The following CDH11 variants were observed in gnomAD, a reference collection of about 807,000 sequenced individuals.
CDH11 encodes the protein cadherin-11.
Under a neutral mutation model 67.8 loss-of-function variants are expected in CDH11, and 11 were observed. The observed-to-expected ratio is 0.16, with a 90% CI of 0.10 to 0.27. The LOEUF (loss-of-function observed/expected upper bound fraction) is 0.27. CDH11 is among the 10% of genes least tolerant of loss of function. The pLI, the probability that CDH11 is intolerant of heterozygous loss-of-function variation, is 1.00. For missense variants in CDH11, 847 were observed against 1,031.2 expected (o/e 0.82, Z 2.45); for synonymous variants, 419 against 400.0 (o/e 1.05, Z -0.57).
chr16:65,094,400 C>T (rs960631489), intron 1 of CDH11, among the ~76,000 whole-genome samples: 1 of 151,922 alleles, frequency 6.6e-6, no homozygotes, highest in Non-Finnish European at 1.5e-5. Flanking sequence ...ATACCTTAAA[C>T]AATAACCCAA....
chr16:65,095,099 G>A (rs1210837134), intron 1 of CDH11, among the ~76,000 whole-genome samples: 1 of 152,104 alleles, frequency 6.6e-6, no homozygotes, highest in Non-Finnish European at 1.5e-5. Context: ...TAGGTCATAG[G>A]CATATTCACA....
At chr16:64,962,809 A>G (rs1297093938) in intron 11 of CDH11, among the ~76,000 whole-genome samples, 1 of 152,190 alleles carries the variant, frequency 6.6e-6, no homozygotes, top group Non-Finnish European at 1.5e-5. Flanking sequence ...TGACCTGGGG[A>G]AAAGAAACTT....
intron 12 of CDH11, among the ~76,000 whole-genome samples, chr16:64,950,029 T>C (rs2071315217): frequency 6.6e-6 from 1 of 152,120 alleles, no homozygotes; most frequent in African/African-American, 2.4e-5. Context: ...GTGTCAGACA[T>C]GCATAGGTTT....
At chr16:64,965,358 G>C (rs1034095593) in intron 11 of CDH11, among the ~76,000 whole-genome samples, 3 of 152,014 alleles carry the variant, frequency 2.0e-5, no homozygotes, top group African/African-American at 7.3e-5. Context: ...CTCCAGCCTG[G>C]GCAACAGAGC....
At chr16:65,052,674 T>C (rs1054582688) in intron 2 of CDH11, among the ~76,000 whole-genome samples, 18 of 152,138 alleles carry the variant, frequency 1.2e-4, no homozygotes, top group Non-Finnish European at 2.1e-4. Flanking sequence ...AAGTACAATA[T>C]GTACGGATTT....
At position 64,945,585 on chromosome 16, in the gene CDH11, A is replaced by G. The variant is rs1185650458; in HGVS notation, c.*2018T>C. On this transcript the variant is annotated 3_prime_UTR_variant, in exon 13 of 13. Coordinates refer to ENST00000268603, the MANE Select transcript of CDH11 (RefSeq NM_001797.4). ...ATATTCTTTGGATTACAAAAACTATATAAAAAAATGAACACAACCTGCAAT... is the reference window on the plus strand; with the variant it reads ...ATATTCTTTGGATTACAAAAACTATGTAAAAAAATGAACACAACCTGCAAT... 1 of 1,030,730 alleles carries G rather than the reference A, an allele frequency of 9.7e-7. No homozygotes were observed. Among genetic ancestry groups the G allele is most frequent in the Non-Finnish European group, 1.2e-6 (1 of 857,024 alleles). The allele number at this position is 1,030,730 out of a possible 1,614,324, so 63.8% of individuals were successfully genotyped here. A position where few individuals can be genotyped will look rare whatever the true frequency, so the allele number is the denominator to read the frequency against.
intron 2 of CDH11, among the ~76,000 whole-genome samples, chr16:65,018,467 A>G (rs2073357965): frequency 6.6e-6 from 1 of 152,216 alleles, no homozygotes; most frequent in African/African-American, 2.4e-5. Flanking sequence ...CTATATTGCC[A>G]TAAGGTAAGA....
In CDH11 at chr16:64,946,344, T is replaced by A; in HGVS notation, c.*1259A>T. 1 of 1,036,354 alleles carries A rather than the reference T, an allele frequency of 9.6e-7. No individual in the cohort carries two copies. The highest frequency in any genetic ancestry group is 1.2e-6 in the Non-Finnish European group (1 of 861,500). 64.2% of individuals were successfully genotyped at this position (1,036,354 alleles called of 1,614,324 possible). A position where few individuals can be genotyped will look rare whatever the true frequency, so the allele number is the denominator to read the frequency against. On this transcript the variant is annotated 3_prime_UTR_variant, in exon 13 of 13. Transcript: ENST00000268603. ...TATATTTTTGACTCTAGTCCCCCAG[T>A]TCCCCAGTGCTCAGTGTGGGGCATA... is the stretch of plus-strand genomic sequence containing the variant.
intron 1 of CDH11, among the ~76,000 whole-genome samples, chr16:65,104,535 G>A (rs2075038871): frequency 6.6e-6 from 1 of 152,052 alleles, no homozygotes; most frequent in South Asian, 2.1e-4. Flanking sequence ...GTAGAGAGAA[G>A]GAAATTAAAG....
chr16:64,955,163 A>T lies in CDH11; in HGVS notation c.1643-4145T>A, dbSNP rs866810398. 2.0e-5 allele frequency among the ~76,000 whole-genome samples: 3 copies of T among 151,870 alleles called. No homozygotes were observed. The East Asian group carries it at 5.8e-4, about 29-fold the overall frequency. Reference sequence around the variant, plus strand: ...CGGGAGGCTGAGGCAGGAGAATGGCATGAACCCGGGAGGCAGAGCTTGCAG... The same window carrying T: ...CGGGAGGCTGAGGCAGGAGAATGGCTTGAACCCGGGAGGCAGAGCTTGCAG... On this transcript the variant is annotated intron_variant, in intron 11 of 12. Coordinates refer to ENST00000268603, the MANE Select transcript of CDH11 (RefSeq NM_001797.4).
At chr16:65,062,020 G>C (rs2074242283) in intron 1 of CDH11, among the ~76,000 whole-genome samples, 2 of 152,132 alleles carry the variant, frequency 1.3e-5, no homozygotes, top group Admixed American at 1.3e-4. Flanking sequence ...CAGGCAGTTT[G>C]CATCTATAGC....
intron 1 of CDH11, among the ~76,000 whole-genome samples, chr16:65,087,968 C>T (rs1450612452): frequency 3.3e-5 from 5 of 152,110 alleles, no homozygotes; most frequent in Non-Finnish European, 7.4e-5. Flanking sequence ...AATAAATATA[C>T]AAATGACTGG....
At chr16:65,010,950 G>T (rs1340566571) in intron 2 of CDH11, among the ~76,000 whole-genome samples, 2 of 88,980 alleles carry the variant, frequency 2.2e-5, no homozygotes, top group African/African-American at 7.5e-5. Context: ...ATATATGTGT[G>T]ACATATATAT....
chr16:65,019,492 C>T (rs1026847956), intron 2 of CDH11, among the ~76,000 whole-genome samples: 5 of 152,052 alleles, frequency 3.3e-5, no homozygotes, highest in Admixed American at 2.0e-4. Flanking sequence ...AAATCTTGTT[C>T]AAGACAGAAA....
At chr16:65,098,368 A>G (rs893620045) in intron 1 of CDH11, among the ~76,000 whole-genome samples, 7 of 152,066 alleles carry the variant, frequency 4.6e-5, no homozygotes, top group Non-Finnish European at 7.4e-5. Flanking sequence ...TTCAAATATT[A>G]CTCTAGCAGC....
rs73572400 is a variant in CDH11 at position 65,085,805 on chromosome 16, C to T, written c.-297-31877G>A. Among the ~76,000 whole-genome samples, 1,382 of 152,328 alleles carry T rather than the reference C, an allele frequency of 9.1e-3. 22 individuals are homozygous for T. The highest frequency in any genetic ancestry group is 0.031 in the African/African-American group (1,291 of 41,564). On this transcript the variant is annotated intron_variant, in intron 1 of 12. Transcript: ENST00000268603. ...CATTTTCTTATTACCAGATCCTCAGCAAAGCACTTTCATTCATTGCCTCAT... is the reference window on the plus strand; with the variant it reads ...CATTTTCTTATTACCAGATCCTCAGTAAAGCACTTTCATTCATTGCCTCAT...
intron 7 of CDH11, chr16:64,986,900 C>T (rs937640519): frequency 3.3e-5 from 5 of 152,136 alleles, no homozygotes; most frequent in African/African-American, 1.2e-4. Flanking sequence ...GCACAGGTCA[C>T]TCCTTGCTCC....
chr16:65,090,927 T>C (rs2074782553), intron 1 of CDH11, among the ~76,000 whole-genome samples: 2 of 152,214 alleles, frequency 1.3e-5, no homozygotes, highest in South Asian at 4.1e-4. Context: ...TGAGTACTAA[T>C]ATATAGTAAT....
intron 1 of CDH11, among the ~76,000 whole-genome samples, chr16:65,069,826 G>C (rs1242513042): frequency 6.6e-6 from 1 of 152,100 alleles, no homozygotes; most frequent in Non-Finnish European, 1.5e-5. Context: ...ATTTCACCCA[G>C]TTTATTCCTC....
Sources: gnomAD v4.1 joint callset for allele counts (sites outside exome capture counted in the v4.1 genomes callset) on GRCh38, gnomAD v4.1.1 for gene constraint, MANE v1.5 for transcripts, NCBI Gene and HGNC (gene_info 2026-07-23, HGNC 2026-07-21) for gene names.